Variants in PRELID2 observed in about 807,000 individuals in gnomAD.
PRELID2 encodes the protein PRELI domain-containing protein 2.
In PRELID2, 25 loss-of-function variants were observed where a neutral mutation model predicts 28.4. That is an observed-to-expected ratio of 0.88 (90% CI 0.64 to 1.23). The LOEUF (loss-of-function observed/expected upper bound fraction) is 1.23. Ranked by LOEUF, PRELID2 falls within the 50% of genes most tolerant of loss-of-function variation. The pLI is 0.00. For missense variants in PRELID2, 201 were observed against 214.4 expected, an observed-to-expected ratio of 0.94 and a Z score of 0.39; for synonymous variants, 76 against 71.6, an observed-to-expected ratio of 1.06 and a Z score of -0.31.
At chr5:145,592,971 G>T (rs1049553686) in intron 1 of PRELID2, among the ~76,000 whole-genome samples, 1 of 152,086 alleles carries the variant, frequency 6.6e-6, no homozygotes, top group Non-Finnish European at 1.5e-5. Context: ...TCATGTTGTT[G>T]GCAATAATGT....
chr5:145,265,968 G>A, the PRELID2 span, among the ~76,000 whole-genome samples: 6 of 151,816 alleles, frequency 4.0e-5, no homozygotes, highest in Non-Finnish European at 8.8e-5. Flanking sequence ...GACAATAGAC[G>A]GGACTTAAAC....
At chr5:145,540,057 GA>G (rs1167007263) in intron 1 of PRELID2, among the ~76,000 whole-genome samples, 8 of 151,710 alleles carry the variant, frequency 5.3e-5, no homozygotes, top group Non-Finnish European at 1.2e-4. Flanking sequence ...ACCTCTTTAA[GA>G]GTTTATAGTG....
intron 1 of PRELID2, among the ~76,000 whole-genome samples, chr5:145,563,683 GA>G (rs1752942363): frequency 6.6e-6 from 1 of 152,134 alleles, no homozygotes; most frequent in African/African-American, 2.4e-5. Context: ...GACGCAAAAA[GA>G]AAAATACTGC....
chr5:145,412,291 G>C, the PRELID2 span, among the ~76,000 whole-genome samples: 1 of 152,114 alleles, frequency 6.6e-6, no homozygotes, highest in Non-Finnish European at 1.5e-5. Context: ...ACACTTTGCT[G>C]CTTAGGAAAT....
chr5:145,592,407 G>A (rs188620317), intron 1 of PRELID2, among the ~76,000 whole-genome samples: 32 of 151,764 alleles, frequency 2.1e-4, no homozygotes, highest in Non-Finnish European at 3.8e-4. Flanking sequence ...GCAACAGAGC[G>A]AGACTCTGTC....
At chr5:145,676,248 T>C (rs1581048353) in intron 1 of PRELID2, among the ~76,000 whole-genome samples, 1 of 143,514 alleles carries the variant, frequency 7.0e-6, no homozygotes, top group East Asian at 2.0e-4. Context: ...AAAAATAATG[T>C]GTCTCATTGT....
chr5:145,774,618 A>C (rs955812965), intron 5 of PRELID2, among the ~76,000 whole-genome samples: 5 of 152,290 alleles, frequency 3.3e-5, no homozygotes, highest in South Asian at 4.1e-4. Context: ...ACCTATAGGA[A>C]ATACCAGCAG....
chr5:145,455,674 G>C, the PRELID2 span, among the ~76,000 whole-genome samples: 1 of 152,258 alleles, frequency 6.6e-6, no homozygotes, highest in Middle Eastern at 3.4e-3. Flanking sequence ...CTTGTAAGTT[G>C]TATTCCTAGG....
At chr5:145,464,133 C>T in the PRELID2 span, among the ~76,000 whole-genome samples, 1 of 152,062 alleles carries the variant, frequency 6.6e-6, no homozygotes, top group Non-Finnish European at 1.5e-5. Flanking sequence ...GAAACCATGC[C>T]CCTTCTGTAC....
chr5:145,492,557 T>TTGTGC (rs1752278512), intron 1 of PRELID2, among the ~76,000 whole-genome samples: 1 of 141,752 alleles, frequency 7.1e-6, no homozygotes, highest in African/African-American at 2.5e-5. Flanking sequence ...TTTTTATTAC[T>TTGTGC]TGTGCTTTTG....
the PRELID2 span, among the ~76,000 whole-genome samples, chr5:145,237,966 T>A: frequency 2.0e-5 from 3 of 151,952 alleles, no homozygotes; most frequent in African/African-American, 7.2e-5. Flanking sequence ...AACCCTCCAA[T>A]CCTACTAGCT....
chr5:145,542,804 T>G (rs1396352104), intron 1 of PRELID2, among the ~76,000 whole-genome samples: 1 of 151,894 alleles, frequency 6.6e-6, no homozygotes, highest in African/African-American at 2.4e-5. Flanking sequence ...TCTCTTTTCT[T>G]TTACTTTCTA....
chr5:145,738,607 T>G (rs1357106657), intron 1 of PRELID2, among the ~76,000 whole-genome samples: 1 of 151,928 alleles, frequency 6.6e-6, no homozygotes, highest in Non-Finnish European at 1.5e-5. Context: ...AACTGGAAGA[T>G]ACAACAATAG....
intron 5 of PRELID2, among the ~76,000 whole-genome samples, chr5:145,766,244 AATG>A (rs1292107784): frequency 6.6e-6 from 1 of 152,188 alleles, no homozygotes; most frequent in Non-Finnish European, 1.5e-5. Flanking sequence ...AGAGAAGAAT[AATG>A]ATAAGGGGAA....
At chr5:145,419,999 A>G in the PRELID2 span, among the ~76,000 whole-genome samples, 3 of 152,042 alleles carry the variant, frequency 2.0e-5, no homozygotes, top group Admixed American at 6.5e-5. Flanking sequence ...TCCTTTCCCC[A>G]TTGCTTGTTT....
rs145554935 is a variant in PRELID2 at position 145,498,130 on chromosome 5, C to T, written n.71-24815G>A. On this transcript the variant is annotated intron_variant and non_coding_transcript_variant, in intron 1 of 2. Transcript: ENST00000510259. ...CTCTAGAGAGAGAAACTTTCTCATA[C>T]CACCCAGCTTCATCTTGGGTCCCTT... is the stretch of plus-strand genomic sequence containing the variant. Among the ~76,000 whole-genome samples the T allele has an allele frequency of 8.7e-3, 1,325 of 152,186 alleles. 19 individuals are homozygous for T. The highest frequency in any genetic ancestry group is 0.031 in the African/African-American group (1,277 of 41,526).
At chr5:145,297,164 T>C in the PRELID2 span, among the ~76,000 whole-genome samples, 2 of 152,084 alleles carry the variant, frequency 1.3e-5, no homozygotes, top group Admixed American at 1.3e-4. Flanking sequence ...CTGATGGTAG[T>C]TTGTTTTGCT....
chr5:145,458,081 A>T, the PRELID2 span, among the ~76,000 whole-genome samples: 2 of 152,200 alleles, frequency 1.3e-5, no homozygotes, highest in African/African-American at 4.8e-5. Context: ...GACATCTATC[A>T]CTCTACTAAC....
the PRELID2 span, among the ~76,000 whole-genome samples, chr5:145,416,456 A>C: frequency 6.6e-6 from 1 of 152,110 alleles, no homozygotes; most frequent in Non-Finnish European, 1.5e-5. Flanking sequence ...ACAGCAAAAG[A>C]AACTACCATC....
Sources: gnomAD v4.1 joint callset for allele counts (sites outside exome capture counted in the v4.1 genomes callset) on GRCh38, gnomAD v4.1.1 for gene constraint, MANE v1.5 for transcripts, NCBI Gene and HGNC (gene_info 2026-07-23, HGNC 2026-07-21) for gene names.